Variants in SUCLG2 observed in about 807,000 individuals in gnomAD.
SUCLG2 encodes the protein succinate--CoA ligase [GDP-forming] subunit beta, mitochondrial.
In SUCLG2, 42 loss-of-function variants were observed where a neutral mutation model predicts 47.9. The observed-to-expected ratio is 0.88, with a 90% CI of 0.69 to 1.14. The LOEUF (loss-of-function observed/expected upper bound fraction) is 1.14. Among genes scored for constraint, SUCLG2 ranks in the 50% most tolerant of loss-of-function variants. The pLI, the probability that SUCLG2 is intolerant of heterozygous loss-of-function variation, is 0.00. For synonymous variants in SUCLG2, 195 were observed against 197.3 expected, an observed-to-expected ratio of 0.99 and a Z score of 0.10; for missense variants, 571 against 525.9, an observed-to-expected ratio of 1.09 and a Z score of -0.84.
chr3:67,377,020 G>A (rs756668594), intron 10 of SUCLG2, among the ~76,000 whole-genome samples: 9 of 152,166 alleles, frequency 5.9e-5, no homozygotes, highest in Non-Finnish European at 1.3e-4. Flanking sequence ...TATCATCCTC[G>A]TAATCTTCCC....
Position 67,525,083 on chromosome 3 carries a change from C to A in SUCLG2, c.417+3049G>T, listed in dbSNP as rs545665979. Among the ~76,000 whole-genome samples the A allele has an allele frequency of 3.9e-5, 6 of 152,168 alleles. No individual in the cohort carries two copies. The East Asian group carries it at 1.2e-3, about 29-fold the overall frequency. ...TGTGTAAGACTGACAAAACATATAC[C>A]AAACGTATATGCTGAAAACAATACA... On this transcript the variant is annotated intron_variant, in intron 4 of 10. Coordinates refer to ENST00000307227, the MANE Select transcript of SUCLG2 (RefSeq NM_003848.4).
chr3:67,440,673 G>A (rs7635626), intron 9 of SUCLG2, among the ~76,000 whole-genome samples: 81,758 of 151,736 alleles, frequency 0.54, 22,461 homozygotes, highest in Non-Finnish European at 0.59. Context: ...CAAAACCACA[G>A]TGAAATACCA....
chr3:67,395,616 A>G (rs1306477635), intron 10 of SUCLG2, among the ~76,000 whole-genome samples: 1 of 152,342 alleles, frequency 6.6e-6, no homozygotes, highest in East Asian at 1.9e-4. Context: ...GATCAATGAG[A>G]CAGAAAGTTA....
In SUCLG2 at chr3:67,392,486, C is replaced by A. The variant is rs541374947; in HGVS notation, c.1183+8245G>T. Among the ~76,000 whole-genome samples the A allele has an allele frequency of 3.3e-5, 5 of 152,242 alleles. No individual in the cohort carries two copies. The South Asian group carries it at 8.3e-4, about 25-fold the overall frequency. Reference sequence around the variant, plus strand: ...ATTAGTTAGGCTAGCTTTCTTAGATCGAATATATCAATTTCCAGGTAAATA... The same window carrying A: ...ATTAGTTAGGCTAGCTTTCTTAGATAGAATATATCAATTTCCAGGTAAATA... On this transcript the variant is annotated intron_variant, in intron 10 of 10. Transcript: ENST00000307227.
At chr3:67,440,694 T>C (rs927724023) in intron 9 of SUCLG2, among the ~76,000 whole-genome samples, 2 of 152,130 alleles carry the variant, frequency 1.3e-5, no homozygotes, top group Admixed American at 6.5e-5. Context: ...TCTAATGCCA[T>C]TCAGAATGGC....
intron 9 of SUCLG2, among the ~76,000 whole-genome samples, chr3:67,481,777 C>T (rs28497416): frequency 0.037 from 5,656 of 152,248 alleles, 238 homozygotes; most frequent in African/African-American, 0.11. Context: ...TTATTACAAT[C>T]AGAAAAAAAT....
intron 2 of SUCLG2, among the ~76,000 whole-genome samples, chr3:67,601,959 G>A (rs1235019848): frequency 6.6e-6 from 1 of 151,768 alleles, no homozygotes; most frequent in East Asian, 1.9e-4. Context: ...TCCAGCCGGG[G>A]CGACAGAGCA....
At chr3:67,607,725 CA>C (rs1326043559) in intron 2 of SUCLG2, among the ~76,000 whole-genome samples, 1 of 152,162 alleles carries the variant, frequency 6.6e-6, no homozygotes, top group Non-Finnish European at 1.5e-5. Context: ...AGGGTGGGGC[CA>C]GGGGGAGATA....
intron 4 of SUCLG2, among the ~76,000 whole-genome samples, chr3:67,526,120 A>G (rs1015772150): frequency 2.6e-5 from 4 of 152,176 alleles, no homozygotes; most frequent in Non-Finnish European, 5.9e-5. Context: ...TCATCCTCAC[A>G]TGGCAGAAAG....
chr3:67,387,844 T>C (rs1388941023), intron 10 of SUCLG2, among the ~76,000 whole-genome samples: 4 of 152,002 alleles, frequency 2.6e-5, no homozygotes, highest in Non-Finnish European at 5.9e-5. Context: ...ATGCCTGTGG[T>C]TTTTTAATTA....
At chr3:67,558,582 G>C (rs970346626) in intron 2 of SUCLG2, among the ~76,000 whole-genome samples, 1 of 152,190 alleles carries the variant, frequency 6.6e-6, no homozygotes, top group Non-Finnish European at 1.5e-5. Context: ...TCACAAGAGT[G>C]AGTTGAGTTG....
downstream of SUCLG2, among the ~76,000 whole-genome samples, chr3:67,370,883 T>C (rs1322867966): frequency 1.3e-5 from 2 of 152,210 alleles, no homozygotes; most frequent in African/African-American, 2.4e-5. Context: ...AGGCTATTTA[T>C]TTATTTAAAA....
chr3:67,362,301 C>T (rs887020333), intron 10 of SUCLG2, among the ~76,000 whole-genome samples: 10 of 151,976 alleles, frequency 6.6e-5, no homozygotes, highest in Admixed American at 2.0e-4. Context: ...GTCTCTTATG[C>T]GTCTCCCCTG....
At chr3:67,394,334 G>A (rs200327728) in intron 10 of SUCLG2, among the ~76,000 whole-genome samples, 35,427 of 150,682 alleles carry the variant, frequency 0.24, 4,673 homozygotes, top group African/African-American at 0.35. Context: ...TAAAGGAGCT[G>A]ATGGAGCTGA....
intron 2 of SUCLG2, among the ~76,000 whole-genome samples, chr3:67,597,606 T>C (rs1044039561): frequency 6.6e-6 from 1 of 152,116 alleles, no homozygotes; most frequent in Non-Finnish European, 1.5e-5. Flanking sequence ...TGTTCATCCT[T>C]CATTTAAAAG....
At chr3:67,362,663 T>A (rs561631213) in intron 10 of SUCLG2, among the ~76,000 whole-genome samples, 1 of 152,298 alleles carries the variant, frequency 6.6e-6, no homozygotes, top group African/African-American at 2.4e-5. Context: ...CCTAATGCAG[T>A]GACAGGCACC....
downstream of SUCLG2, among the ~76,000 whole-genome samples, chr3:67,372,964 A>G (rs979324516): frequency 1.3e-5 from 2 of 152,182 alleles, no homozygotes; most frequent in African/African-American, 2.4e-5. Context: ...CAACATGCAC[A>G]CAAATGGGTG....
intron 5 of SUCLG2, among the ~76,000 whole-genome samples, chr3:67,519,412 A>G (rs568202288): frequency 7.9e-5 from 12 of 152,344 alleles, no homozygotes; most frequent in Non-Finnish European, 1.2e-4. Context: ...AATGTGTAAC[A>G]TTAGAAGTGT....
intron 1 of SUCLG2, among the ~76,000 whole-genome samples, chr3:67,610,778 T>C (rs973482126): frequency 5.9e-5 from 9 of 152,214 alleles, no homozygotes; most frequent in African/African-American, 2.2e-4. Context: ...CAGGGCTTCA[T>C]CACATGGAGC....
Sources: gnomAD v4.1 joint callset for allele counts (sites outside exome capture counted in the v4.1 genomes callset) on GRCh38, gnomAD v4.1.1 for gene constraint, MANE v1.5 for transcripts, NCBI Gene and HGNC (gene_info 2026-07-23, HGNC 2026-07-21) for gene names.